Variants in SUMF1 observed in about 807,000 individuals in gnomAD.
SUMF1 encodes the protein sulfatase modifying factor 1.
In SUMF1, 48 loss-of-function variants were observed where a neutral mutation model predicts 47.6. That is an observed-to-expected ratio of 1.01 (90% CI 0.80 to 1.28). The LOEUF (loss-of-function observed/expected upper bound fraction) is 1.28. SUMF1 is among the 50% of genes most tolerant of loss of function. The probability of loss-of-function intolerance (pLI) is 0.00; values close to 1 mark genes in which losing one functional copy is unlikely to be tolerated. For synonymous variants in SUMF1, 230 were observed against 192.1 expected, an observed-to-expected ratio of 1.20 and a Z score of -1.63; for missense variants, 571 against 485.4, an observed-to-expected ratio of 1.18 and a Z score of -1.66.
At chr3:4,237,001 C>G (rs1030008673) in intron 8 of SUMF1, among the ~76,000 whole-genome samples, 4 of 152,056 alleles carry the variant, frequency 2.6e-5, no homozygotes, top group Admixed American at 2.6e-4. Context: ...TGTATATACC[C>G]TTTTTAAATT....
chr3:4,230,766 T>G (rs1696282133), intron 8 of SUMF1, among the ~76,000 whole-genome samples: 1 of 152,096 alleles, frequency 6.6e-6, no homozygotes, highest in South Asian at 2.1e-4. Flanking sequence ...GCCCCCATTC[T>G]GAAGCTGTCT....
At chr3:4,062,500 T>C (rs1158163560) in intron 9 of SUMF1, among the ~76,000 whole-genome samples, 2 of 152,134 alleles carry the variant, frequency 1.3e-5, no homozygotes, top group Non-Finnish European at 2.9e-5. Flanking sequence ...GGTTGGTTCA[T>C]GGACAGGATA....
chr3:4,137,992 A>C (rs1693984589), intron 8 of SUMF1, among the ~76,000 whole-genome samples: 1 of 152,132 alleles, frequency 6.6e-6, no homozygotes, highest in Non-Finnish European at 1.5e-5. Context: ...AATATGCAAG[A>C]TTTAATTGTA....
chr3:4,119,983 T>A (rs1041925625), intron 8 of SUMF1, among the ~76,000 whole-genome samples: 1 of 152,130 alleles, frequency 6.6e-6, no homozygotes, highest in Non-Finnish European at 1.5e-5. Context: ...GCTTCCTTTT[T>A]AGGAAATGTT....
intron 2 of SUMF1, 143 bp downstream of exon 2, chr3:4,452,733 G>T (rs960745434): frequency 2.8e-6 from 3 of 1,055,082 alleles, no homozygotes; most frequent in Non-Finnish European, 2.8e-6. Flanking sequence ...GAGAAATTAA[G>T]ATGAAATATA....
At chr3:4,066,499 T>G (rs1271880176) in intron 9 of SUMF1, among the ~76,000 whole-genome samples, 1 of 152,118 alleles carries the variant, frequency 6.6e-6, no homozygotes. Context: ...TCCGACAAAC[T>G]TTCCTTTCTC....
At chr3:4,268,818 T>C (rs2125033006) in intron 8 of SUMF1, among the ~76,000 whole-genome samples, 1 of 152,256 alleles carries the variant, frequency 6.6e-6, no homozygotes, top group East Asian at 1.9e-4. Flanking sequence ...ATTCTTCTAG[T>C]TAATTTTAGC....
intron 8 of SUMF1, among the ~76,000 whole-genome samples, chr3:4,346,421 A>C (rs1699375162): frequency 6.6e-6 from 1 of 152,204 alleles, no homozygotes; most frequent in African/African-American, 2.4e-5. Flanking sequence ...CCTGTTCCTG[A>C]ATGACTCCTG....
At chr3:4,374,816 C>T (rs1421979014) in intron 8 of SUMF1, among the ~76,000 whole-genome samples, 1 of 152,194 alleles carries the variant, frequency 6.6e-6, no homozygotes, top group East Asian at 1.9e-4. Context: ...TATACGTGAA[C>T]ATGTAAATAT....
chr3:4,098,872 T>C (rs1246429060), intron 8 of SUMF1, among the ~76,000 whole-genome samples: 1 of 152,132 alleles, frequency 6.6e-6, no homozygotes, highest in Non-Finnish European at 1.5e-5. Context: ...AAGGAATTTC[T>C]GACAATTGCA....
chr3:4,267,651 G>C (rs1251343588), intron 8 of SUMF1, among the ~76,000 whole-genome samples: 23 of 151,634 alleles, frequency 1.5e-4, no homozygotes, highest in African/African-American at 5.1e-4. Context: ...ACCATAACTG[G>C]CCATCAGAGA....
At chr3:4,299,361 C>T (rs966138327) in intron 8 of SUMF1, among the ~76,000 whole-genome samples, 3 of 152,226 alleles carry the variant, frequency 2.0e-5, no homozygotes, top group African/African-American at 7.2e-5. Flanking sequence ...TAGGCTTTGG[C>T]TCTTGTCCTA....
intron 8 of SUMF1, among the ~76,000 whole-genome samples, chr3:4,268,539 G>GT (rs1170175072): frequency 7.3e-6 from 1 of 137,188 alleles, no homozygotes; most frequent in Non-Finnish European, 1.5e-5. Flanking sequence ...TTAATGATAG[G>GT]TTTACACAGT....
At chr3:4,282,123 G>C (rs1697541456) in intron 8 of SUMF1, among the ~76,000 whole-genome samples, 2 of 152,048 alleles carry the variant, frequency 1.3e-5, no homozygotes, top group African/African-American at 4.8e-5. Context: ...ACTCTGTGTG[G>C]GTTGAAAAGA....
intron 8 of SUMF1, among the ~76,000 whole-genome samples, chr3:4,330,302 T>C (rs1240946295): frequency 3.9e-5 from 6 of 152,220 alleles, no homozygotes; most frequent in Non-Finnish European, 7.3e-5. Context: ...ACCAATTTAC[T>C]GTATTAGTCA....
chr3:4,208,585 G>A lies in SUMF1; in HGVS notation c.1015-139840C>T, dbSNP rs550984578. On this transcript the variant is annotated intron_variant and NMD_transcript_variant, in intron 8 of 12. Coordinates refer to the SUMF1 transcript ENST00000448413. ...TTTTAACTGCAATTAATATGCTAAG[G>A]TTAATGGCAGAAAAGATGAGTAACA... Among the ~76,000 whole-genome samples the A allele has an allele frequency of 2.2e-3, 331 of 151,876 alleles. 2 individuals are homozygous for A. Among genetic ancestry groups the A allele is most frequent in the Non-Finnish European group, 3.3e-3 (224 of 67,978 alleles).
intron 8 of SUMF1, among the ~76,000 whole-genome samples, chr3:4,187,939 A>G (rs1320098574): frequency 1.3e-5 from 2 of 152,154 alleles, no homozygotes; most frequent in African/African-American, 4.8e-5. Context: ...TCGTAATGAC[A>G]TTGATTTTGA....
At chr3:4,113,854 T>A (rs1485460638) in intron 8 of SUMF1, among the ~76,000 whole-genome samples, 1 of 152,068 alleles carries the variant, frequency 6.6e-6, no homozygotes, top group East Asian at 1.9e-4. Flanking sequence ...CAGATCCGGA[T>A]GCCTCCTCAA....
rs745592210 is a variant in SUMF1, at chr3:4,114,215, A to G, written c.1015-45470T>C. Among the ~76,000 whole-genome samples the G allele has an allele frequency of 2.6e-5, 4 of 152,278 alleles. No individual in the cohort carries two copies. The South Asian group carries it at 8.3e-4, about 32-fold the overall frequency. On this transcript the variant is annotated intron_variant and NMD_transcript_variant, in intron 8 of 12. Transcript: ENST00000448413. ...ACCCATGAATAAAGAGAAAATTACA[A>G]TGGGGAAGGACATGAAGTTTTTGAG...
Sources: allele counts gnomAD v4.1 joint callset (sites outside exome capture counted in the v4.1 genomes callset), GRCh38; gene constraint gnomAD v4.1.1; transcripts MANE v1.5; gene names NCBI Gene and HGNC (gene_info 2026-07-23, HGNC 2026-07-21).